IGFBP7: variants seen among roughly 807,000 people sequenced by gnomAD.
IGFBP7 encodes insulin like growth factor binding protein 7.
IGFBP7 carries 31 observed loss-of-function variants against 29.4 expected under a neutral mutation model. The ratio of observed to expected loss-of-function variants is 1.05; its 90% confidence interval spans 0.79 to 1.42. The LOEUF (loss-of-function observed/expected upper bound fraction) is 1.42, where lower values mean the gene tolerates loss of function less well. IGFBP7 is among the 40% of genes most tolerant of loss of function. The probability of loss-of-function intolerance (pLI) is 0.00; values close to 1 mark genes in which losing one functional copy is unlikely to be tolerated. For missense variants in IGFBP7, 393 were observed against 395.5 expected (o/e 0.99, Z 0.05); for synonymous variants, 172 against 174.9 (o/e 0.98, Z 0.13).
At chr4:57,109,830 G>C (rs1239621195) in intron 1 of IGFBP7, 47 bp downstream of exon 1, 2 of 1,517,482 alleles carry the variant, frequency 1.3e-6, no homozygotes, top group East Asian at 2.6e-5. Context: ...TGTGCCCTTC[G>C]CTGGGCCGAG....
At chr4:57,087,219 C>T (rs1194526401) in intron 1 of IGFBP7, among the ~76,000 whole-genome samples, 1 of 152,190 alleles carries the variant, frequency 6.6e-6, no homozygotes, top group Admixed American at 6.5e-5. Flanking sequence ...TTCTTAATTC[C>T]TCTGTCTTTT....
At chr4:57,062,177 A>G (rs970249253) in intron 1 of IGFBP7, among the ~76,000 whole-genome samples, 2 of 152,170 alleles carry the variant, frequency 1.3e-5, no homozygotes, top group African/African-American at 2.4e-5. Flanking sequence ...ATACCTGTCT[A>G]CATAATCCGT....
intron 1 of IGFBP7, among the ~76,000 whole-genome samples, chr4:57,082,781 C>T (rs567004032): frequency 1.1e-4 from 16 of 151,976 alleles, no homozygotes; most frequent in African/African-American, 3.1e-4. Flanking sequence ...AAATTTCATA[C>T]CTATTAACAT....
At chr4:57,087,857 C>T (rs1725534151) in intron 1 of IGFBP7, among the ~76,000 whole-genome samples, 1 of 152,326 alleles carries the variant, frequency 6.6e-6, no homozygotes, top group African/African-American at 2.4e-5. Context: ...CACTGTTAGT[C>T]AATGTATAGT....
At chr4:57,094,829 C>T (rs1725724549) in intron 1 of IGFBP7, among the ~76,000 whole-genome samples, 1 of 152,204 alleles carries the variant, frequency 6.6e-6, no homozygotes, top group Non-Finnish European at 1.5e-5. Flanking sequence ...TTTGCAAATT[C>T]ACCTACTTGC....
intron 1 of IGFBP7, among the ~76,000 whole-genome samples, chr4:57,068,713 A>C (rs973468098): frequency 6.6e-6 from 1 of 152,236 alleles, no homozygotes; most frequent in African/African-American, 2.4e-5. Context: ...ACTGCCAAGC[A>C]GTAAACCAAG....
At position 57,110,360 on chromosome 4, in the gene IGFBP7, G is replaced by T. The variant is rs1726168873; in HGVS notation, c.-9C>A. On this transcript the variant is annotated 5_prime_UTR_variant, in exon 1 of 5. Transcript: ENST00000295666. ...AGCGACGGCCGCTCCATGGCGGGGT[G>T]CGGTGGCAGCGGCAAGGGCGCGAGT... is the stretch of plus-strand genomic sequence containing the variant. 1.5e-6 allele frequency: 2 copies of T among 1,338,540 alleles called. No homozygotes were observed. The highest frequency in any genetic ancestry group is 6.5e-5 in the Admixed American group (2 of 30,656). The allele number at this position is 1,338,540 out of a possible 1,614,324, so 82.9% of individuals were successfully genotyped here. A position where few individuals can be genotyped will look rare whatever the true frequency, so the allele number is the denominator to read the frequency against.
chr4:57,034,375 ATTGT>A (rs1410968038), intron 2 of IGFBP7, among the ~76,000 whole-genome samples: 3 of 152,034 alleles, frequency 2.0e-5, no homozygotes, highest in Non-Finnish European at 2.9e-5. Flanking sequence ...GGATATACGA[ATTGT>A]TTGTTCATTC....
Position 57,109,975 on chromosome 4 carries a change from G to A in IGFBP7, c.377C>T (p.Thr126Ile), listed in dbSNP as rs1325748503. The part of the protein sequence containing the change: ...RYPVCGSDGT[T>I]YPSGCQLRAA... ...GCGCAGCTGGCAGCCGCTCGGGTAG[G>A]TGGTGCCGTCGCTGCCGCACACCGG... The change falls in exon 1 of 5, where the codon ACC becomes ATC. Residue 126 changes from threonine (T) to isoleucine (I), a missense_variant. Physicochemically the swap from Thr to Ile is moderately conservative, Grantham distance 89. Coordinates refer to ENST00000295666, the MANE Select transcript of IGFBP7 (RefSeq NM_001553.3). 1 of 1,547,306 alleles carries A rather than the reference G, an allele frequency of 6.5e-7. No individual in the cohort carries two copies. The highest frequency in any genetic ancestry group is 1.4e-5 in the African/African-American group (1 of 73,676).
chr4:57,076,521 C>A (rs11573056), intron 1 of IGFBP7, among the ~76,000 whole-genome samples: 8,740 of 152,304 alleles, frequency 0.057, 275 homozygotes, highest in Middle Eastern at 0.095. Flanking sequence ...ATTTTGGTCA[C>A]CTTCGTGTAA....
chr4:57,087,801 G>A (rs192664498), intron 1 of IGFBP7, among the ~76,000 whole-genome samples: 322 of 152,286 alleles, frequency 2.1e-3, no homozygotes, highest in African/African-American at 7.4e-3. Context: ...CCATTTCACA[G>A]GTGAGACAAC....
At position 57,033,186 on chromosome 4, in the gene IGFBP7, G is replaced by A. The variant is rs775163186; in HGVS notation, c.702+9C>T. On this transcript the variant is annotated intron_variant, in intron 3 of 4. Coordinates refer to ENST00000295666, the MANE Select transcript of IGFBP7 (RefSeq NM_001553.3). ...GAAACTCTTGCCAGCTCTTGGTACT[G>A]GTACTCACCAGCACCCAGCCAGTTA... 1.3e-6 allele frequency: 2 copies of A among 1,572,046 alleles called. No individual in the cohort carries two copies. The highest frequency in any genetic ancestry group is 1.4e-5 in the African/African-American group (1 of 74,050).
rs1578659425 is a variant in IGFBP7 at position 57,110,315 on chromosome 4, C to T, written c.37G>A (p.Ala13Thr). The change falls in exon 1 of 5, where the codon GCC becomes ACC. Residue 13 changes from alanine (A) to threonine (T), a missense_variant. Transcript: ENST00000295666. ...AGGAGCAGGAGCAGCAGCCCAGCGG[C>T]GCCGAGGAGCAGGGCGCGCAGCGAC... Reference protein sequence around the residue: ...RPSLRALLLGAAGLLLLLLPL... With the variant: ...RPSLRALLLGTAGLLLLLLPL... The T allele has an allele frequency of 7.1e-7, 1 of 1,409,866 alleles. No individual in the cohort carries two copies. Among genetic ancestry groups the T allele is most frequent in the Non-Finnish European group, 9.3e-7 (1 of 1,080,740 alleles). 87.3% of individuals were successfully genotyped at this position (1,409,866 alleles called of 1,614,324 possible). A position where few individuals can be genotyped will look rare whatever the true frequency, so the allele number is the denominator to read the frequency against.
At position 57,109,949 on chromosome 4, in the gene IGFBP7, C is replaced by T. The variant is rs367949344; in HGVS notation, c.403G>A (p.Ala135Thr). 906 of 1,554,400 alleles carry T rather than the reference C, an allele frequency of 5.8e-4. 3 individuals carry two copies. Among genetic ancestry groups the T allele is most frequent in the Middle Eastern group, 1.9e-3 (11 of 5,702 alleles). Residue 135 changes from alanine (A) to threonine (T), a missense_variant, in exon 1 of 5, where the codon GCC (alanine) becomes ACC (threonine). By Grantham distance (58) the Ala-to-Thr change is moderately conservative. Coordinates refer to ENST00000295666, the MANE Select transcript of IGFBP7 (RefSeq NM_001553.3). ...CGGCTCTCGGCCCTCTGGCTGGCGG[C>T]GCGCAGCTGGCAGCCGCTCGGGTAG... ...TTYPSGCQLR[A>T]ASQRAESRGE...
intron 1 of IGFBP7, among the ~76,000 whole-genome samples, chr4:57,069,739 C>G (rs17087484): frequency 0.055 from 8,378 of 152,208 alleles, 249 homozygotes; most frequent in Middle Eastern, 0.12. Flanking sequence ...ACAGAAACTT[C>G]TCATTATTGA....
chr4:57,072,958 G>A lies in IGFBP7; in HGVS notation c.476-32025C>T, dbSNP rs1327160155. On this transcript the variant is annotated intron_variant, in intron 1 of 4. Coordinates refer to ENST00000295666, the MANE Select transcript of IGFBP7 (RefSeq NM_001553.3). ...GCCTGGACATCCTGAAGGACAAGTG[G>A]TCTGCCCTGTATGATGTCAGGACCA... is the stretch of plus-strand genomic sequence containing the variant. 4.9e-6 allele frequency: 4 copies of A among 808,728 alleles called. No individual in the cohort carries two copies. In the South Asian group the frequency reaches 5.4e-5, roughly 11 times the overall value. The allele number at this position is 808,728 out of a possible 1,614,324, so 50.1% of individuals were successfully genotyped here. A position where few individuals can be genotyped will look rare whatever the true frequency, so the allele number is the denominator to read the frequency against.
intron 1 of IGFBP7, among the ~76,000 whole-genome samples, chr4:57,057,254 C>T (rs1022135222): frequency 1.3e-5 from 2 of 152,224 alleles, no homozygotes; most frequent in Admixed American, 1.3e-4. Flanking sequence ...AAGTGATCCC[C>T]CTGCCTTGGC....
At chr4:57,033,569 A>C (rs1724004507) in intron 2 of IGFBP7, among the ~76,000 whole-genome samples, 1 of 152,210 alleles carries the variant, frequency 6.6e-6, no homozygotes, top group Non-Finnish European at 1.5e-5. Context: ...ATACATGGTC[A>C]TAATTTCCTG....
At position 57,031,149 on chromosome 4, in the gene IGFBP7, G is replaced by T. The variant is rs1431562879; in HGVS notation, c.*168C>A. ...TTCTGTAAATATATAATAAATTTTT[G>T]TAGATAGTCTTGATGTGTGATCTTT... On this transcript the variant is annotated 3_prime_UTR_variant, in exon 5 of 5. Coordinates refer to ENST00000295666, the MANE Select transcript of IGFBP7 (RefSeq NM_001553.3). The T allele has an allele frequency of 2.8e-6, 2 of 721,800 alleles. No individual in the cohort carries two copies. The highest frequency in any genetic ancestry group is 1.8e-5 in the African/African-American group (1 of 55,706). The allele number at this position is 721,800 out of a possible 1,614,324, so 44.7% of individuals were successfully genotyped here. A position where few individuals can be genotyped will look rare whatever the true frequency, so the allele number is the denominator to read the frequency against.
Sources: allele counts gnomAD v4.1 joint callset (sites outside exome capture counted in the v4.1 genomes callset), GRCh38; gene constraint gnomAD v4.1.1; transcripts MANE v1.5; gene names NCBI Gene and HGNC (gene_info 2026-07-23, HGNC 2026-07-21).